CDC25A: variants seen among roughly 807,000 people sequenced by gnomAD.
The protein encoded by CDC25A is M-phase inducer phosphatase 1.
In CDC25A, 17 loss-of-function variants were observed where a neutral mutation model predicts 64.6. That is an observed-to-expected ratio of 0.26 (90% CI 0.18 to 0.39). The LOEUF is 0.39. Ranked by LOEUF, CDC25A falls within the 10% of genes least tolerant of loss-of-function variation. CDC25A has a pLI of 1.00. For synonymous variants in CDC25A, 229 were observed against 238.6 expected, an observed-to-expected ratio of 0.96 and a Z score of 0.37; for missense variants, 473 against 654.8, an observed-to-expected ratio of 0.72 and a Z score of 3.03.
At chr3:48,160,442 A>C (rs1575256986) in intron 13 of CDC25A, among the ~76,000 whole-genome samples, 7 of 127,914 alleles carry the variant, frequency 5.5e-5, no homozygotes, top group Admixed American at 8.6e-5. Flanking sequence ...ATGGAGTCTC[A>C]CTCTGTCGCC....
intron 13 of CDC25A, 108 bp downstream of exon 13, chr3:48,164,199 G>T: frequency 9.4e-7 from 1 of 1,059,806 alleles, no homozygotes; most frequent in Non-Finnish European, 1.3e-6. Flanking sequence ...TGTGCCAGAG[G>T]TTGCTTGATA....
intron 6 of CDC25A, 147 bp downstream of exon 6, chr3:48,180,574 C>A (rs2032627364): frequency 1.2e-6 from 1 of 800,888 alleles, no homozygotes. Flanking sequence ...GCAAAACCAC[C>A]AAGAATGCTT....
chr3:48,183,927 G>C, intron 3 of CDC25A, 91 bp from the exon 4 acceptor site: 1 of 766,316 alleles, frequency 1.3e-6, no homozygotes, highest in Non-Finnish European at 2.2e-6. Context: ...CTGTAGCTTG[G>C]GGGTACAGTC....
rs1334321098 is a variant in CDC25A at position 48,159,350 on chromosome 3, T to C, written c.1428A>G (p.Lys476=). 3.7e-6 allele frequency: 6 copies of C among 1,610,004 alleles called. No homozygotes were observed. In the South Asian group the frequency reaches 6.6e-5, roughly 18 times the overall value. ...LKGGYKEFFM[K]CQSYCEPPSY... ...TCCACAACCCCAGTCTTACCTGGCA[T>C]TTCATAAAGAACTCCTTGTATCCCC... Residue 476 remains lysine (K), a synonymous_variant, in exon 14 of 15, where the codon AAA becomes AAG. Transcript: ENST00000302506.
At position 48,174,469 on chromosome 3, in the gene CDC25A, A is replaced by G; in HGVS notation, c.757-12T>C. ...TTGCATCGGTTGTCCTTACAGGAAA[A>G]AAAACAGACAGACCCATCTTTCATT... On this transcript the variant is annotated splice_polypyrimidine_tract_variant and intron_variant, in intron 8 of 14. Coordinates refer to ENST00000302506, the MANE Select transcript of CDC25A (RefSeq NM_001789.3). 1.9e-6 allele frequency: 3 copies of G among 1,599,580 alleles called. No individual in the cohort carries two copies. Among genetic ancestry groups the G allele is most frequent in the Non-Finnish European group, 2.6e-6 (3 of 1,175,746 alleles).
intron 6 of CDC25A, 123 bp downstream of exon 6, chr3:48,180,598 C>A: frequency 1.9e-6 from 2 of 1,037,786 alleles, no homozygotes; most frequent in Admixed American, 4.7e-5. Context: ...AGTCTAATTT[C>A]AAAAGACAAA....
intron 8 of CDC25A, among the ~76,000 whole-genome samples, chr3:48,175,205 G>A (rs2106732372): frequency 6.6e-6 from 1 of 152,226 alleles, no homozygotes; most frequent in Middle Eastern, 3.4e-3. Flanking sequence ...GCTGAGGCAC[G>A]AGAATCACTT....
chr3:48,173,367 A>T (rs181081486), intron 9 of CDC25A, among the ~76,000 whole-genome samples: 88 of 152,334 alleles, frequency 5.8e-4, no homozygotes, highest in Admixed American at 2.2e-3. Context: ...TGGGAAATTC[A>T]TAGATTCAAA....
At chr3:48,179,342 C>A (rs932841690) in intron 6 of CDC25A, among the ~76,000 whole-genome samples, 1 of 152,070 alleles carries the variant, frequency 6.6e-6, no homozygotes. Flanking sequence ...GTTTCTGATA[C>A]CCAACTCTTA....
At chr3:48,171,175 C>T (rs191695996) in intron 9 of CDC25A, among the ~76,000 whole-genome samples, 2 of 151,834 alleles carry the variant, frequency 1.3e-5, no homozygotes, top group African/African-American at 2.4e-5. Flanking sequence ...AGTTCAAGAC[C>T]AGCCTGGCCA....
At chr3:48,175,903 A>C (rs896401209) in intron 8 of CDC25A, among the ~76,000 whole-genome samples, 1 of 152,228 alleles carries the variant, frequency 6.6e-6, no homozygotes, top group Non-Finnish European at 1.5e-5. Context: ...ACGGTGGCTC[A>C]TGCCTGTAAT....
Position 48,187,870 on chromosome 3 carries a change from G to A in CDC25A, c.78C>T (p.Val26=), listed in dbSNP as rs376410886. Residue 26 remains valine (V), a synonymous_variant, in exon 1 of 15, where the codon GTC becomes GTT. Transcript: ENST00000302506. ...ACSPPPASQP[V]VKALFGASAA... Reference sequence around the variant, plus strand: ...CTGAAGCGCCAAATAGCGCCTTCACGACGGGCTGCGACGCGGGAGGGGGGC... The same window carrying A: ...CTGAAGCGCCAAATAGCGCCTTCACAACGGGCTGCGACGCGGGAGGGGGGC... 2.6e-6 allele frequency: 4 copies of A among 1,547,464 alleles called. No homozygotes were observed. The East Asian group carries it at 7.4e-5, about 29-fold the overall frequency.
At chr3:48,175,367 AAG>A (rs2032417506) in intron 8 of CDC25A, among the ~76,000 whole-genome samples, 1 of 152,202 alleles carries the variant, frequency 6.6e-6, no homozygotes, top group African/African-American at 2.4e-5. Context: ...CAGTGGTAGC[AAG>A]AGTCAGCTCT....
intron 13 of CDC25A, among the ~76,000 whole-genome samples, chr3:48,160,871 T>C (rs981159860): frequency 6.6e-6 from 1 of 151,976 alleles, no homozygotes; most frequent in Non-Finnish European, 1.5e-5. Context: ...TAAAAGGAGT[T>C]TGGCTGGGCG....
chr3:48,174,163 A>G, intron 9 of CDC25A, 121 bp downstream of exon 9: 1 of 901,864 alleles, frequency 1.1e-6, no homozygotes. Context: ...ACACACACAC[A>G]CAACCCCACA....
In CDC25A at chr3:48,173,808, T is replaced by C. The variant is rs141377734; in HGVS notation, c.930+476A>G. On this transcript the variant is annotated intron_variant, in intron 9 of 14. Coordinates refer to ENST00000302506, the MANE Select transcript of CDC25A (RefSeq NM_001789.3). ...AGACTCACAAATATACAGGAGACAATGGAAGAATCACCGGTCATACCAAGA... is the reference window on the plus strand; with the variant it reads ...AGACTCACAAATATACAGGAGACAACGGAAGAATCACCGGTCATACCAAGA... Among the ~76,000 whole-genome samples the C allele has an allele frequency of 2.7e-3, 406 of 152,192 alleles. 2 individuals are homozygous for C. Among genetic ancestry groups the C allele is most frequent in the African/African-American group, 9.0e-3 (374 of 41,510 alleles).
Position 48,160,377 on chromosome 3 carries a change from G to A in CDC25A, c.1323-922C>T, listed in dbSNP as rs144140998. On this transcript the variant is annotated intron_variant, in intron 13 of 14. Coordinates refer to ENST00000302506, the MANE Select transcript of CDC25A (RefSeq NM_001789.3). ...ACCTGCCTTGGCCTCCCAAAGTGTTGGGATTACAGGAGTTAGCCACCGCAC... is the reference window on the plus strand; with the variant it reads ...ACCTGCCTTGGCCTCCCAAAGTGTTAGGATTACAGGAGTTAGCCACCGCAC... Among the ~76,000 whole-genome samples, 860 of 148,866 alleles carry A rather than the reference G, an allele frequency of 5.8e-3. 6 individuals carry two copies. Among genetic ancestry groups the A allele is most frequent in the African/African-American group, 0.021 (826 of 40,220 alleles).
intron 13 of CDC25A, among the ~76,000 whole-genome samples, chr3:48,161,671 T>G (rs1018632479): frequency 6.6e-6 from 1 of 152,042 alleles, no homozygotes. Flanking sequence ...CTCCTGCCAC[T>G]GTACTCCAGC....
rs1055122846 is a variant in CDC25A at position 48,173,882 on chromosome 3, A to G, written c.930+402T>C. Among the ~76,000 whole-genome samples the G allele has an allele frequency of 1.5e-4, 23 of 152,372 alleles. 1 individual carries two copies. Among genetic ancestry groups the G allele is most frequent in the African/African-American group, 2.2e-4 (9 of 41,594 alleles). ...AGGAAAAGACAATCAACAGATGCCA[A>G]CAACACTATGGATGGATGTTGGATT... On this transcript the variant is annotated intron_variant, in intron 9 of 14. Coordinates refer to ENST00000302506, the MANE Select transcript of CDC25A (RefSeq NM_001789.3).
Sources: allele counts gnomAD v4.1 joint callset (sites outside exome capture counted in the v4.1 genomes callset), GRCh38; gene constraint gnomAD v4.1.1; transcripts MANE v1.5; gene names NCBI Gene and HGNC (gene_info 2026-07-23, HGNC 2026-07-21).